ZNF385D: variants seen among roughly 807,000 people sequenced by gnomAD.
ZNF385D encodes the protein zinc finger protein 659.
In ZNF385D, 15 loss-of-function variants were observed where a neutral mutation model predicts 35.8. The ratio of observed to expected loss-of-function variants is 0.42; its 90% CI spans 0.28 to 0.64. ZNF385D has a LOEUF of 0.64. Ranked by LOEUF, ZNF385D falls within the 30% of genes least tolerant of loss-of-function variation. The probability of loss-of-function intolerance (pLI) is 0.23; values close to 1 mark genes in which losing one functional copy is unlikely to be tolerated. For missense variants in ZNF385D, 474 were observed against 494.6 expected (o/e 0.96, Z 0.39); for synonymous variants, 212 against 186.8 (o/e 1.13, Z -1.10).
intron 3 of ZNF385D, among the ~76,000 whole-genome samples, chr3:22,002,553 A>C (rs1156298537): frequency 6.6e-6 from 1 of 152,174 alleles, no homozygotes; most frequent in Non-Finnish European, 1.5e-5. Flanking sequence ...ATTGAAGAGA[A>C]GGGAATTCTT....
intron 3 of ZNF385D, among the ~76,000 whole-genome samples, chr3:21,776,522 TTTA>T (rs1489883684): frequency 1.3e-5 from 2 of 151,980 alleles, no homozygotes; most frequent in Admixed American, 1.3e-4. Flanking sequence ...TTATCATTCT[TTTA>T]TTAAGATAAG....
chr3:22,082,862 A>G, intron 3 of ZNF385D, among the ~76,000 whole-genome samples: 1 of 152,212 alleles, frequency 6.6e-6, no homozygotes, highest in Non-Finnish European at 1.5e-5. Context: ...CAGAAGAAGG[A>G]TCAGGCAGCA....
chr3:22,215,990 C>T (rs919424584), intron 2 of ZNF385D, among the ~76,000 whole-genome samples: 6 of 151,948 alleles, frequency 3.9e-5, no homozygotes, highest in Non-Finnish European at 7.4e-5. Context: ...GAATTTCCCC[C>T]AATAGCTATG....
intron 3 of ZNF385D, among the ~76,000 whole-genome samples, chr3:22,105,641 A>T (rs939654040): frequency 1.3e-5 from 2 of 152,024 alleles, no homozygotes; most frequent in African/African-American, 4.8e-5. Flanking sequence ...ACCAAGGGCA[A>T]GAGATGACAG....
At chr3:22,071,000 T>C (rs1169115823) in intron 3 of ZNF385D, among the ~76,000 whole-genome samples, 1 of 152,118 alleles carries the variant, frequency 6.6e-6, no homozygotes, top group Non-Finnish European at 1.5e-5. Context: ...ATTGAAAGAT[T>C]TTTACCTGTT....
Position 21,795,785 on chromosome 3 carries a change from A to G in ZNF385D, c.326-130757T>C, listed in dbSNP as rs142141023. ...GCTTTTCTCCCACTAATGCCACTTC[A>G]GATTATAGGCACTCAGTATGACTAT... is the stretch of plus-strand genomic sequence containing the variant. On this transcript the variant is annotated intron_variant, in intron 3 of 5. Transcript: ENST00000494108. 2.6e-3 allele frequency among the ~76,000 whole-genome samples: 393 copies of G among 152,360 alleles called. 2 individuals carry two copies. Among genetic ancestry groups the G allele is most frequent in the African/African-American group, 9.0e-3 (374 of 41,582 alleles).
intron 3 of ZNF385D, among the ~76,000 whole-genome samples, chr3:22,069,464 A>G (rs1700124467): frequency 6.6e-6 from 1 of 152,250 alleles, no homozygotes; most frequent in East Asian, 1.9e-4. Flanking sequence ...GTGTGAATGT[A>G]TAGTGCATAG....
intron 2 of ZNF385D, among the ~76,000 whole-genome samples, chr3:21,654,171 A>G (rs2066004593): frequency 6.6e-6 from 1 of 151,980 alleles, no homozygotes; most frequent in Non-Finnish European, 1.5e-5. Flanking sequence ...TAAAATACCT[A>G]TTTTTTATTT....
chr3:22,195,974 A>G (rs1223128186), intron 2 of ZNF385D, among the ~76,000 whole-genome samples: 2 of 152,080 alleles, frequency 1.3e-5, no homozygotes, highest in South Asian at 2.1e-4. Context: ...CTAAATGATG[A>G]TAACACATGG....
At chr3:21,983,218 G>C (rs1694605023) in intron 3 of ZNF385D, among the ~76,000 whole-genome samples, 1 of 144,420 alleles carries the variant, frequency 6.9e-6, no homozygotes, top group Admixed American at 6.9e-5. Flanking sequence ...CATTGTGCAG[G>C]TTAGTTACAT....
chr3:22,208,168 C>T (rs1160991014), intron 2 of ZNF385D, among the ~76,000 whole-genome samples: 9 of 151,742 alleles, frequency 5.9e-5, no homozygotes, highest in East Asian at 1.9e-4. Context: ...TTTATAATAG[C>T]CAATATTTGA....
chr3:22,090,635 G>C (rs1332917471), intron 3 of ZNF385D, among the ~76,000 whole-genome samples: 1 of 152,088 alleles, frequency 6.6e-6, no homozygotes, highest in African/African-American at 2.4e-5. Context: ...TTACTTTGTG[G>C]GTTGAGTAAA....
chr3:22,328,715 T>C (rs540611162), intron 2 of ZNF385D, among the ~76,000 whole-genome samples: 11 of 150,012 alleles, frequency 7.3e-5, no homozygotes, highest in African/African-American at 2.2e-4. Context: ...GTGAGCCAGA[T>C]TGCACCACTG....
At chr3:22,137,524 A>G (rs1704223407) in intron 3 of ZNF385D, among the ~76,000 whole-genome samples, 1 of 152,226 alleles carries the variant, frequency 6.6e-6, no homozygotes, top group Non-Finnish European at 1.5e-5. Context: ...AACATGTGAA[A>G]ATCAATAAAC....
intron 3 of ZNF385D, among the ~76,000 whole-genome samples, chr3:21,850,765 C>T (rs2125808909): frequency 6.6e-6 from 1 of 152,096 alleles, no homozygotes; most frequent in South Asian, 2.1e-4. Context: ...AAGGACAATG[C>T]CTTAAAAGAA....
chr3:21,769,637 A>G (rs538179810), intron 3 of ZNF385D, among the ~76,000 whole-genome samples: 1,337 of 121,070 alleles, frequency 0.011, 83 homozygotes, highest in Non-Finnish European at 0.014. Context: ...GGAAGAATCA[A>G]TATCATGAAA....
chr3:22,163,827 AT>A (rs1463873380), intron 3 of ZNF385D, among the ~76,000 whole-genome samples: 1 of 152,230 alleles, frequency 6.6e-6, no homozygotes, highest in Non-Finnish European at 1.5e-5. Context: ...CAAAGCAATC[AT>A]TTTGCAATTG....
chr3:21,958,017 G>T (rs902514481), intron 3 of ZNF385D, among the ~76,000 whole-genome samples: 6 of 152,066 alleles, frequency 3.9e-5, no homozygotes, highest in Non-Finnish European at 5.9e-5. Context: ...CAGTGTGCCC[G>T]AGTGTTGTTC....
intron 3 of ZNF385D, among the ~76,000 whole-genome samples, chr3:22,166,283 C>T (rs1420200339): frequency 6.8e-6 from 1 of 147,360 alleles, no homozygotes; most frequent in African/African-American, 2.4e-5. Flanking sequence ...ATAGGAAATC[C>T]AGCAACAAAT....
Sources: allele counts gnomAD v4.1 joint callset (sites outside exome capture counted in the v4.1 genomes callset), GRCh38; gene constraint gnomAD v4.1.1; transcripts MANE v1.5; gene names NCBI Gene and HGNC (gene_info 2026-07-23, HGNC 2026-07-21).